ZNF578: variants seen among roughly 807,000 people sequenced by gnomAD.
ZNF578 encodes the protein Putative chemokine-related protein B42.
Under a neutral mutation model 8.3 loss-of-function variants are expected in ZNF578, and 8 were observed. The ratio of observed to expected loss-of-function variants is 0.96; its 90% CI spans 0.56 to 1.74. The LOEUF (loss-of-function observed/expected upper bound fraction) is 1.74. Among genes scored for constraint, ZNF578 ranks in the 40% most tolerant of loss-of-function variants. The pLI is 0.00. For missense variants in ZNF578, 726 were observed against 707.5 expected, an observed-to-expected ratio of 1.03 and a Z score of -0.30; for synonymous variants, 206 against 232.2, an observed-to-expected ratio of 0.89 and a Z score of 1.03.
Position 52,511,943 on chromosome 19 carries a change from A to C in ZNF578, c.1562A>C (p.Asn521Thr). 1 of 1,613,172 alleles carries C rather than the reference A, an allele frequency of 6.2e-7. No homozygotes were observed. The highest frequency in any genetic ancestry group is 8.5e-7 in the Non-Finnish European group (1 of 1,179,710). ...YKCNECGKTF[N>T]VQSHLSRHHR... Reference sequence around the variant, plus strand: ...TGTAATGAATGTGGGAAGACTTTTAATGTACAGTCACACCTTTCACGTCAT... The same window carrying C: ...TGTAATGAATGTGGGAAGACTTTTACTGTACAGTCACACCTTTCACGTCAT... The change falls in exon 6 of 6, where the codon AAT becomes ACT. Residue 521 changes from asparagine (N) to threonine (T), a missense_variant. By Grantham distance (65) the Asn-to-Thr change is moderately conservative (BLOSUM62 0). Transcript: ENST00000421239.
chr19:52,474,492 A>G (rs1464110503), intron 2 of ZNF578: 1 of 316,138 alleles, frequency 3.2e-6, no homozygotes, highest in Non-Finnish European at 6.6e-6. Flanking sequence ...CTCCAGTATG[A>G]ATTATCCAAT....
At chr19:52,504,508 G>GA (rs2059418473) in intron 4 of ZNF578, 147 bp from the exon 5 acceptor site, 12 of 1,494,702 alleles carry the variant, frequency 8.0e-6, no homozygotes, top group South Asian at 2.7e-5. Flanking sequence ...CAACTATTGA[G>GA]AAAAAAAATT....
At chr19:52,498,704 AAGAC>A (rs958543688) in intron 3 of ZNF578, among the ~76,000 whole-genome samples, 9 of 47,070 alleles carry the variant, frequency 1.9e-4, no homozygotes, top group African/African-American at 1.3e-3. Context: ...TTTTTTTTGT[AAGAC>A]AGAGTGTCAC....
chr19:52,480,293 A>G (rs2059321587), intron 2 of ZNF578, among the ~76,000 whole-genome samples: 1 of 152,128 alleles, frequency 6.6e-6, no homozygotes, highest in South Asian at 2.1e-4. Flanking sequence ...TTTCTTGTTA[A>G]CCAGTTTCTC....
chr19:52,506,938 C>T (rs771360740), intron 5 of ZNF578, among the ~76,000 whole-genome samples: 6 of 152,192 alleles, frequency 3.9e-5, no homozygotes, highest in Non-Finnish European at 8.8e-5. Context: ...CTATCTCACT[C>T]ATTTCATCGT....
chr19:52,465,312 A>G (rs200669044), intron 2 of ZNF578, among the ~76,000 whole-genome samples: 2 of 152,108 alleles, frequency 1.3e-5, no homozygotes, highest in East Asian at 3.9e-4. Context: ...GGTGGTGGCC[A>G]TTCTGGGCAT....
At chr19:52,462,263 C>G (rs1243037173) in intron 2 of ZNF578, among the ~76,000 whole-genome samples, 1 of 152,168 alleles carries the variant, frequency 6.6e-6, no homozygotes, top group Non-Finnish European at 1.5e-5. Flanking sequence ...TGATTATGAC[C>G]TGAAGTCTTA....
chr19:52,468,029 C>A (rs2059280799), intron 2 of ZNF578, among the ~76,000 whole-genome samples: 1 of 152,012 alleles, frequency 6.6e-6, no homozygotes, highest in African/African-American at 2.4e-5. Flanking sequence ...ATAACAGCTT[C>A]ATTTATGTGC....
intron 3 of ZNF578, among the ~76,000 whole-genome samples, chr19:52,499,850 G>T (rs978487361): frequency 5.9e-5 from 9 of 152,104 alleles, no homozygotes; most frequent in African/African-American, 1.4e-4. Flanking sequence ...AATGCTTTTG[G>T]GTTGTGGGAG....
chr19:52,473,150 C>T (rs1373726854), intron 2 of ZNF578, among the ~76,000 whole-genome samples: 1 of 152,184 alleles, frequency 6.6e-6, no homozygotes, highest in Non-Finnish European at 1.5e-5. Context: ...GTCTTGTACA[C>T]TACATTTACA....
chr19:52,507,219 A>G (rs1208547552), intron 5 of ZNF578, among the ~76,000 whole-genome samples: 1 of 151,972 alleles, frequency 6.6e-6, no homozygotes, highest in Non-Finnish European at 1.5e-5. Flanking sequence ...GAAACCCCAT[A>G]TCTAGTAAAA....
intron 5 of ZNF578, among the ~76,000 whole-genome samples, chr19:52,509,123 C>T (rs2059435647): frequency 1.3e-5 from 2 of 151,846 alleles, no homozygotes; most frequent in Admixed American, 6.6e-5. Flanking sequence ...AGCCTGTTCT[C>T]GAACTCCTGA....
intron 3 of ZNF578, among the ~76,000 whole-genome samples, chr19:52,498,014 C>T (rs1479082215): frequency 2.0e-5 from 3 of 152,152 alleles, no homozygotes; most frequent in Admixed American, 2.0e-4. Context: ...GTTTTAAACA[C>T]CTATTGCTGT....
intron 2 of ZNF578, among the ~76,000 whole-genome samples, chr19:52,461,556 A>C (rs1008576408): frequency 6.6e-6 from 1 of 152,232 alleles, no homozygotes. Flanking sequence ...ACTGGTATCC[A>C]AACTCCTTCT....
intron 4 of ZNF578, among the ~76,000 whole-genome samples, chr19:52,502,434 G>C (rs1377918036): frequency 2.0e-5 from 3 of 151,406 alleles, no homozygotes; most frequent in Admixed American, 1.3e-4. Context: ...TTTTTGTTTT[G>C]TTTTAAGAGA....
Position 52,511,539 on chromosome 19 carries a change from T to C in ZNF578, c.1158T>C (p.Leu386=). The C allele has an allele frequency of 1.2e-6, 2 of 1,613,788 alleles. No individual in the cohort carries two copies. Among genetic ancestry groups the C allele is most frequent in the Non-Finnish European group, 8.5e-7 (1 of 1,179,750 alleles). ...CGKMFGQNST[L]VIHKAIHTGE... The stretch of plus-strand genomic sequence containing the variant: ...AGATGTTTGGTCAAAATTCAACCCT[T>C]GTAATTCATAAGGCAATTCATACTG... Residue 386 remains leucine (L), a synonymous_variant, in exon 6 of 6, where the codon CTT becomes CTC. Transcript: ENST00000421239.
At position 52,516,177 on chromosome 19, in the gene ZNF578, C is replaced by T. The variant is rs1423443400; in HGVS notation, c.*4023C>T. On this transcript the variant is annotated 3_prime_UTR_variant, in exon 6 of 6. Coordinates refer to ENST00000421239, the MANE Select transcript of ZNF578 (RefSeq NM_001099694.2). Reference sequence around the variant, plus strand: ...CCCTTTCTCCTCCTTCAGGTCTAGGCTCAGAGCTCTCTCCCATGCCCTCCC... The same window carrying T: ...CCCTTTCTCCTCCTTCAGGTCTAGGTTCAGAGCTCTCTCCCATGCCCTCCC... 6.6e-6 allele frequency among the ~76,000 whole-genome samples: 1 copy of T among 152,224 alleles called. No individual in the cohort carries two copies. Among genetic ancestry groups the T allele is most frequent in the African/African-American group, 2.4e-5 (1 of 41,446 alleles).
intron 4 of ZNF578, among the ~76,000 whole-genome samples, chr19:52,502,337 G>A (rs1309371923): frequency 2.6e-5 from 4 of 152,320 alleles, no homozygotes; most frequent in African/African-American, 7.2e-5. Context: ...TCTGGGAAAG[G>A]AGACGAATAA....
At position 52,504,661 on chromosome 19, in the gene ZNF578, T is replaced by A; in HGVS notation, c.70T>A (p.Leu24Met). The change falls in exon 5 of 6, where the codon TTG becomes ATG. Residue 24 changes from leucine (L) to methionine (M), a missense_variant. Transcript: ENST00000421239. ...AATGTGTGTTTCATTTTAGGGACGC[T>A]TGACTTTCAGGGATGTGGCTATAGA... ...EPGMALPQGR[L>M]TFRDVAIEFS... is the part of the protein sequence containing the mutation. 5 of 1,614,046 alleles carry A rather than the reference T, an allele frequency of 3.1e-6. No individual in the cohort carries two copies. The highest frequency in any genetic ancestry group is 4.2e-6 in the Non-Finnish European group (5 of 1,179,988).
Sources: gnomAD v4.1 joint callset for allele counts (sites outside exome capture counted in the v4.1 genomes callset) on GRCh38, gnomAD v4.1.1 for gene constraint, MANE v1.5 for transcripts, NCBI Gene and HGNC (gene_info 2026-07-23, HGNC 2026-07-21) for gene names.